The following ARMC8 variants were observed in gnomAD, a reference collection of about 807,000 sequenced individuals.
The protein encoded by ARMC8 is armadillo repeat containing 8.
ARMC8 carries 20 observed loss-of-function variants against 99.3 expected under a neutral mutation model. The ratio of observed to expected loss-of-function variants is 0.20; its 90% confidence interval spans 0.14 to 0.29. The LOEUF (loss-of-function observed/expected upper bound fraction) is 0.29, where lower values mean the gene tolerates loss of function less well. ARMC8 is among the 10% of genes least tolerant of loss of function. The pLI is 1.00. For missense variants in ARMC8, 569 were observed against 809.5 expected, an observed-to-expected ratio of 0.70 and a Z score of 3.60; for synonymous variants, 263 against 278.3, an observed-to-expected ratio of 0.95 and a Z score of 0.55.
In ARMC8 at chr3:138,187,449, A is replaced by T. The variant is rs542130053; in HGVS notation, c.-106A>T. 56 of 1,220,354 alleles carry T rather than the reference A, an allele frequency of 4.6e-5. No individual in the cohort carries two copies. The highest frequency in any genetic ancestry group is 6.2e-5 in the Non-Finnish European group (54 of 866,638). The allele number at this position is 1,220,354 out of a possible 1,614,324, so 75.6% of individuals were successfully genotyped here. On this transcript the variant is annotated 5_prime_UTR_variant, in exon 1 of 22. Transcript: ENST00000469044. ...TCCAGAGCGTGGCCAGTTCTCGTCTATCTGGCTGCCTTTAGGGAGCGGTGC... is the reference window on the plus strand; with the variant it reads ...TCCAGAGCGTGGCCAGTTCTCGTCTTTCTGGCTGCCTTTAGGGAGCGGTGC...
intron 1 of ARMC8, among the ~76,000 whole-genome samples, chr3:138,208,309 T>C (rs2044501456): frequency 1.3e-5 from 2 of 151,990 alleles, no homozygotes; most frequent in Non-Finnish European, 2.9e-5. Flanking sequence ...CTACTAAAAA[T>C]ACAAAAATTA....
intron 16 of ARMC8, among the ~76,000 whole-genome samples, chr3:138,270,432 T>C (rs995909126): frequency 2.0e-5 from 3 of 152,232 alleles, no homozygotes; most frequent in African/African-American, 7.2e-5. Context: ...TATTTTTGTG[T>C]AGCGCCACCT....
intron 1 of ARMC8, among the ~76,000 whole-genome samples, chr3:138,191,855 G>A (rs1452240018): frequency 6.6e-6 from 1 of 152,150 alleles, no homozygotes; most frequent in African/African-American, 2.4e-5. Flanking sequence ...TTATTGTTAA[G>A]TAGTATTTCA....
At chr3:138,272,820 C>T (rs1261103553) in intron 16 of ARMC8, 147 bp from the exon 17 acceptor site, 7 of 598,602 alleles carry the variant, frequency 1.2e-5, no homozygotes, top group African/African-American at 3.9e-5. Context: ...TGCAGTGAGC[C>T]GTTATTGTGC....
At chr3:138,209,385 T>C (rs77439153) in intron 1 of ARMC8, among the ~76,000 whole-genome samples, 3 of 152,174 alleles carry the variant, frequency 2.0e-5, no homozygotes, top group Non-Finnish European at 2.9e-5. Context: ...TGTCATGAGC[T>C]TTTTTTCAGA....
chr3:138,188,373 A>T, intron 1 of ARMC8: 1 of 1,432,778 alleles, frequency 7.0e-7, no homozygotes, highest in Non-Finnish European at 9.3e-7. Flanking sequence ...CAGGAAGTAA[A>T]ACCTGTTTTT....
intron 6 of ARMC8, among the ~76,000 whole-genome samples, chr3:138,232,949 T>A (rs1429633082): frequency 2.0e-5 from 3 of 152,196 alleles, no homozygotes; most frequent in African/African-American, 7.2e-5. Flanking sequence ...TCAAAATTGA[T>A]AAGGAACTTA....
rs540443386 is a variant in ARMC8, at chr3:138,188,394, A to T, written c.45+795A>T. 94 of 1,490,828 alleles carry T rather than the reference A, an allele frequency of 6.3e-5. No individual in the cohort carries two copies. The highest frequency in any genetic ancestry group is 3.6e-4 in the Middle Eastern group (2 of 5,506). 92.3% of individuals were successfully genotyped at this position (1,490,828 alleles called of 1,614,324 possible). On this transcript the variant is annotated intron_variant, in intron 1 of 21. Coordinates refer to ENST00000469044, the MANE Select transcript of ARMC8 (RefSeq NM_001363941.2). ...GTAAAACCTGTTTTTTTTTTTTTTA[A>T]AAAAAGTTTTTTTAAAGAAAAAGAC...
intron 1 of ARMC8, chr3:138,187,994 G>C (rs991422165): frequency 2.2e-5 from 6 of 268,788 alleles, no homozygotes; most frequent in African/African-American, 8.9e-5. Context: ...GCCGGCCTGA[G>C]AACGAGCGCC....
At chr3:138,188,253 C>G in intron 1 of ARMC8, 1 of 623,908 alleles carries the variant, frequency 1.6e-6, no homozygotes, top group South Asian at 2.4e-5. Context: ...ACTCTATGTT[C>G]CCTGTGCCTG....
intron 6 of ARMC8, among the ~76,000 whole-genome samples, chr3:138,230,513 C>T (rs1456234709): frequency 6.6e-6 from 1 of 152,080 alleles, no homozygotes; most frequent in Non-Finnish European, 1.5e-5. Context: ...ATTAGCCAGG[C>T]ATGGTGGCGT....
intron 3 of ARMC8, among the ~76,000 whole-genome samples, chr3:138,223,029 A>C (rs1470227145): frequency 1.3e-5 from 2 of 152,146 alleles, no homozygotes; most frequent in African/African-American, 4.8e-5. Context: ...TTCTAGTTTG[A>C]GTTTAAGATC....
chr3:138,217,422 T>C (rs1356660348), intron 2 of ARMC8, among the ~76,000 whole-genome samples: 2 of 151,998 alleles, frequency 1.3e-5, no homozygotes, highest in Non-Finnish European at 2.9e-5. Context: ...TTTTTCTTTT[T>C]TCTGTTATTT....
rs1223504772 is a variant in ARMC8, at chr3:138,252,737, AGCCACCCCGCCCCCCCC to A, written c.1134+7555_1134+7571del. On this transcript the variant is annotated intron_variant, in intron 12 of 21. Coordinates refer to ENST00000469044, the MANE Select transcript of ARMC8 (RefSeq NM_001363941.2). Reference sequence around the variant, plus strand: ...CCAAAGTGCTGGGATTACAGGCGTGAGCCACCCCGCCCCCCCCCCCCCCCCACCCGGCCTAAATAGAA... The same window carrying A: ...CCAAAGTGCTGGGATTACAGGCGTGACCCCCCCCACCCGGCCTAAATAGAA... 1.2e-3 allele frequency among the ~76,000 whole-genome samples: 8 copies of A among 6,604 alleles called. No homozygotes were observed. In the Admixed American group the frequency reaches 0.026, roughly 22 times the overall value. 4.3% of individuals were successfully genotyped at this position (6,604 alleles called of 152,430 possible). A position where few individuals can be genotyped will look rare whatever the true frequency, so the allele number is the denominator to read the frequency against.
At chr3:138,232,309 A>G (rs1409464666) in intron 6 of ARMC8, among the ~76,000 whole-genome samples, 1 of 151,908 alleles carries the variant, frequency 6.6e-6, no homozygotes, top group Non-Finnish European at 1.5e-5. Flanking sequence ...TTTGTGTACA[A>G]CCTCAGAGAG....
At chr3:138,289,390 G>A (rs996551715) in intron 20 of ARMC8, among the ~76,000 whole-genome samples, 1 of 152,230 alleles carries the variant, frequency 6.6e-6, no homozygotes, top group Non-Finnish European at 1.5e-5. Flanking sequence ...CCAGGAGAGA[G>A]CTGATGAGGA....
intron 6 of ARMC8, among the ~76,000 whole-genome samples, chr3:138,229,336 C>CTT (rs71304266): frequency 2.3e-5 from 3 of 132,622 alleles, no homozygotes; most frequent in Non-Finnish European, 3.3e-5. Context: ...CTCCCTCATT[C>CTT]TTTTTTTTTT....
At chr3:138,204,724 A>T (rs2044265240) in intron 1 of ARMC8, among the ~76,000 whole-genome samples, 1 of 152,114 alleles carries the variant, frequency 6.6e-6, no homozygotes, top group South Asian at 2.1e-4. Context: ...TAGCCCCTTG[A>T]TTTGACATCC....
chr3:138,194,718 C>T (rs1191525529), intron 1 of ARMC8, among the ~76,000 whole-genome samples: 2 of 150,684 alleles, frequency 1.3e-5, no homozygotes, highest in East Asian at 1.9e-4. Flanking sequence ...TCATTTTGTT[C>T]TGTTCTCTAC....
Sources: allele counts gnomAD v4.1 joint callset (sites outside exome capture counted in the v4.1 genomes callset), GRCh38; gene constraint gnomAD v4.1.1; transcripts MANE v1.5; gene names NCBI Gene and HGNC (gene_info 2026-07-23, HGNC 2026-07-21).